The following NUCB2 variants were observed in gnomAD, a reference collection of about 807,000 sequenced individuals.
The protein encoded by NUCB2 is nucleobindin-2.
A neutral mutation model predicts 57.9 loss-of-function variants in NUCB2; 48 were observed. The ratio of observed to expected loss-of-function variants is 0.83; its 90% CI spans 0.66 to 1.05. NUCB2 has a LOEUF of 1.05. Ranked by LOEUF, NUCB2 falls within the 50% of genes least tolerant of loss-of-function variation. NUCB2 has a pLI of 0.00. For synonymous variants in NUCB2, 139 were observed against 152.1 expected (o/e 0.91, Z 0.64); for missense variants, 442 against 476.2 (o/e 0.93, Z 0.67).
intron 1 of NUCB2, among the ~76,000 whole-genome samples, chr11:17,279,736 A>G (rs1215511604): frequency 6.6e-6 from 1 of 151,648 alleles, no homozygotes; most frequent in Non-Finnish European, 1.5e-5. Flanking sequence ...GCAGCCTAAT[A>G]GAAGTTCAGA....
At chr11:17,291,625 A>G (rs1944967087) in intron 2 of NUCB2, among the ~76,000 whole-genome samples, 1 of 150,556 alleles carries the variant, frequency 6.6e-6, no homozygotes, top group Non-Finnish European at 1.5e-5. Flanking sequence ...GGCAGTCACA[A>G]TTCATTGTCC....
rs1945658976 is a variant in NUCB2 at position 17,295,368 on chromosome 11, T to A, written c.45T>A (p.Ile15=). ...TILLQYCFLL[I]TCLLTALEAV... is the part of the protein sequence containing the mutation. ...TGCTACAGTATTGCTTTCTCTTGATTACATGTTTACTTACTGCTCTTGAAG... is the reference window on the plus strand; with the variant it reads ...TGCTACAGTATTGCTTTCTCTTGATAACATGTTTACTTACTGCTCTTGAAG... The change falls in exon 3 of 14, where the codon ATT becomes ATA. Residue 15 remains isoleucine, a synonymous_variant. Transcript: ENST00000529010. The A allele has an allele frequency of 1.2e-6, 2 of 1,612,666 alleles. No homozygotes were observed. The highest frequency in any genetic ancestry group is 2.2e-5 in the South Asian group (2 of 91,006).
intron 10 of NUCB2, among the ~76,000 whole-genome samples, chr11:17,314,951 A>G (rs904090467): frequency 6.6e-6 from 1 of 152,134 alleles, no homozygotes; most frequent in Non-Finnish European, 1.5e-5. Flanking sequence ...TTAAGAAAAA[A>G]TGTTGAGAGC....
At chr11:17,343,444 T>A (rs1952456687) in intron 2 of NUCB2, among the ~76,000 whole-genome samples, 1 of 152,228 alleles carries the variant, frequency 6.6e-6, no homozygotes, top group Non-Finnish European at 1.5e-5. Flanking sequence ...TTTAATTAAA[T>A]CCCCGCCCTT....
chr11:17,341,035 G>A (rs1307251148), intron 2 of NUCB2, among the ~76,000 whole-genome samples: 3 of 152,016 alleles, frequency 2.0e-5, no homozygotes, highest in Non-Finnish European at 2.9e-5. Flanking sequence ...GGTCCTTCAC[G>A]TCCCTTGTAA....
At chr11:17,312,172 C>T in intron 10 of NUCB2, 52 bp downstream of exon 10, 2 of 925,842 alleles carry the variant, frequency 2.2e-6, no homozygotes, top group South Asian at 1.6e-5. Context: ...TTATTTAATT[C>T]TTGCAATAAA....
downstream of NUCB2, among the ~76,000 whole-genome samples, chr11:17,336,571 G>A (rs952052981): frequency 6.6e-6 from 1 of 151,188 alleles, no homozygotes; most frequent in African/African-American, 2.4e-5. Context: ...TGGCTAACAC[G>A]GTGAAACCCC....
intron 13 of NUCB2, 132 bp from the exon 14 acceptor site, chr11:17,331,280 A>G: frequency 3.9e-6 from 2 of 515,204 alleles, no homozygotes. Flanking sequence ...TTACCAGAGA[A>G]TATGTTTTTT....
chr11:17,315,527 G>C (rs765985667), intron 11 of NUCB2, 52 bp downstream of exon 11: 3 of 1,069,896 alleles, frequency 2.8e-6, no homozygotes, highest in Admixed American at 3.8e-5. Flanking sequence ...TTCTACATCA[G>C]TCTATTCTAC....
At chr11:17,338,872 C>T (rs12292194) in intron 2 of NUCB2, among the ~76,000 whole-genome samples, 5,082 of 152,276 alleles carry the variant, frequency 0.033, 119 homozygotes, top group Non-Finnish European at 0.056. Flanking sequence ...CCATGGTGGC[C>T]AGGCTGGTCT....
At chr11:17,294,211 C>G (rs1482126791) in intron 2 of NUCB2, among the ~76,000 whole-genome samples, 1 of 152,082 alleles carries the variant, frequency 6.6e-6, no homozygotes, top group Non-Finnish European at 1.5e-5. Context: ...ATTCTAGTAT[C>G]CTAGAGATGA....
chr11:17,291,003 A>G (rs1459684694), intron 2 of NUCB2, among the ~76,000 whole-genome samples: 1 of 152,078 alleles, frequency 6.6e-6, no homozygotes, highest in Non-Finnish European at 1.5e-5. Context: ...AACCATCTCA[A>G]CGATCTAATT....
At chr11:17,335,612 C>T (rs569104855), downstream of NUCB2, among the ~76,000 whole-genome samples, 2 of 152,242 alleles carry the variant, frequency 1.3e-5, no homozygotes, top group African/African-American at 2.4e-5. Flanking sequence ...AGCGATTCTC[C>T]GGCCTTAGCC....
At chr11:17,323,018 A>G (rs1353489758) in intron 11 of NUCB2, among the ~76,000 whole-genome samples, 2 of 148,118 alleles carry the variant, frequency 1.4e-5, no homozygotes, top group Admixed American at 6.6e-5. Flanking sequence ...AGATTATATC[A>G]TCTGCAAACA....
intron 5 of NUCB2, among the ~76,000 whole-genome samples, chr11:17,307,535 A>G (rs544479515): frequency 9.8e-4 from 150 of 152,316 alleles, no homozygotes; most frequent in African/African-American, 3.4e-3. Context: ...AAAAGGAAAT[A>G]CACATTTTTG....
intron 2 of NUCB2, among the ~76,000 whole-genome samples, chr11:17,346,416 A>G (rs945587908): frequency 7.9e-5 from 12 of 152,272 alleles, no homozygotes; most frequent in African/African-American, 2.9e-4. Context: ...TCATCATTAG[A>G]GAATCCATAA....
chr11:17,317,517 A>G (rs919727242), intron 11 of NUCB2: 4 of 391,752 alleles, frequency 1.0e-5, no homozygotes, highest in African/African-American at 6.2e-5. Flanking sequence ...AATTTTCCCA[A>G]TAATATCCTT....
chr11:17,296,240 T>C, intron 4 of NUCB2, 29 bp downstream of exon 4: 3 of 1,376,274 alleles, frequency 2.2e-6, no homozygotes, highest in Non-Finnish European at 3.0e-6. Context: ...TATATACATA[T>C]ATGTATCTTA....
intron 1 of NUCB2, among the ~76,000 whole-genome samples, chr11:17,280,844 A>G (rs1942405493): frequency 6.6e-6 from 1 of 152,218 alleles, no homozygotes; most frequent in African/African-American, 2.4e-5. Flanking sequence ...GTTTGAGACC[A>G]GCCTGGGCAA....
Sources: allele counts gnomAD v4.1 joint callset (sites outside exome capture counted in the v4.1 genomes callset), GRCh38; gene constraint gnomAD v4.1.1; transcripts MANE v1.5; gene names NCBI Gene and HGNC (gene_info 2026-07-23, HGNC 2026-07-21).